RAD50: variants seen among roughly 807,000 people sequenced by gnomAD.
RAD50 encodes RAD50 double strand break repair protein, also known as DNA repair protein RAD50.
Under a neutral mutation model 168.8 loss-of-function variants are expected in RAD50, and 132 were observed. The observed-to-expected ratio is 0.78, with a 90% CI of 0.68 to 0.90. The LOEUF (loss-of-function observed/expected upper bound fraction) is 0.90. Among genes scored for constraint, RAD50 ranks in the 40% least tolerant of loss-of-function variants. RAD50 has a pLI of 0.00. For synonymous variants in RAD50, 525 were observed against 497.4 expected (o/e 1.06, Z -0.74); for missense variants, 1,347 against 1,534.4 (o/e 0.88, Z 2.04).
At chr5:132,586,011 A>G (rs1206533715) in intron 5 of RAD50, among the ~76,000 whole-genome samples, 1 of 151,916 alleles carries the variant, frequency 6.6e-6, no homozygotes, top group Non-Finnish European at 1.5e-5. Flanking sequence ...CAGTTTATAA[A>G]CTTTTTTCTC....
chr5:132,604,687 GT>G, intron 15 of RAD50, 118 bp from the exon 16 acceptor site: 1 of 853,670 alleles, frequency 1.2e-6, no homozygotes, highest in Non-Finnish European at 1.9e-6. Context: ...GTTGCAGTGG[GT>G]GGGGCCCACA....
intron 5 of RAD50, among the ~76,000 whole-genome samples, chr5:132,582,317 T>C (rs1198574870): frequency 6.6e-6 from 1 of 152,236 alleles, no homozygotes; most frequent in Non-Finnish European, 1.5e-5. Flanking sequence ...GGTTTAATAT[T>C]CTTCTCTGTA....
At chr5:132,595,412 G>A in intron 12 of RAD50, 161 bp from the exon 13 acceptor site, 1 of 499,500 alleles carries the variant, frequency 2.0e-6, no homozygotes, top group Non-Finnish European at 3.3e-6. Context: ...CTCTTTGGAA[G>A]CGAATATCGG....
intron 21 of RAD50, among the ~76,000 whole-genome samples, chr5:132,632,419 A>G (rs1252931018): frequency 2.0e-5 from 3 of 152,248 alleles, no homozygotes; most frequent in African/African-American, 7.2e-5. Context: ...CTTTGCACAT[A>G]GTACACCCAA....
chr5:132,557,206 G>C lies in RAD50; in HGVS notation c.-119G>C. 7.1e-7 allele frequency: 1 copy of C among 1,413,298 alleles called. No homozygotes were observed. The highest frequency in any genetic ancestry group is 1.2e-5 in the South Asian group (1 of 85,076). The allele number at this position is 1,413,298 out of a possible 1,614,324, so 87.5% of individuals were successfully genotyped here. ...TGGCAGTCCTGTGGCCTCGCTCCCC[G>C]CCCGGATCCTCCTGACCCTGAGATT... On this transcript the variant is annotated 5_prime_UTR_variant, in exon 1 of 25. Coordinates refer to ENST00000378823, the MANE Select transcript of RAD50 (RefSeq NM_005732.4).
chr5:132,642,140 C>G, intron 24 of RAD50, 38 bp from the exon 25 acceptor site: 1 of 1,593,000 alleles, frequency 6.3e-7, no homozygotes, highest in Non-Finnish European at 8.6e-7. Flanking sequence ...AGGGGTTATG[C>G]TCTTTACTAA....
In RAD50 at chr5:132,642,446, G is replaced by C. The variant is rs548876214; in HGVS notation, c.*82G>C. The C allele has an allele frequency of 3.4e-4, 421 of 1,248,750 alleles. 1 individual carries two copies. In the African/African-American group the frequency reaches 6.0e-3, roughly 18 times the overall value. The allele number at this position is 1,248,750 out of a possible 1,614,324, so 77.4% of individuals were successfully genotyped here. The stretch of plus-strand genomic sequence containing the variant: ...GAAACTTATTTCTCATATCAACTTA[G>C]TCAATAAGAAAATATATTCTTTCAA... On this transcript the variant is annotated 3_prime_UTR_variant, in exon 25 of 25. Coordinates refer to ENST00000378823, the MANE Select transcript of RAD50 (RefSeq NM_005732.4).
At chr5:132,621,135 G>A (rs1469760523) in intron 21 of RAD50, among the ~76,000 whole-genome samples, 1 of 152,070 alleles carries the variant, frequency 6.6e-6, no homozygotes, top group Non-Finnish European at 1.5e-5. Context: ...AAAATCATAT[G>A]CATTAGTTCT....
rs1580992709 is a variant in RAD50, at chr5:132,588,726, T to C, written c.1091T>C (p.Ile364Thr). 1.2e-6 allele frequency: 2 copies of C among 1,613,856 alleles called. No individual in the cohort carries two copies. The highest frequency in any genetic ancestry group is 1.1e-5 in the South Asian group (1 of 91,036). Residue 364 changes from isoleucine to threonine, a missense_variant, in exon 8 of 25, where the codon ATC becomes ACC. By Grantham distance (89) the Ile-to-Thr change is moderately conservative (BLOSUM62 -1). Around this residue, in one of 3 missense-constraint regions of RAD50, gnomAD observed 703 missense variants for 767.7 expected, o/e 0.92. Coordinates refer to ENST00000378823, the MANE Select transcript of RAD50 (RefSeq NM_005732.4). Reference protein sequence around the residue: ...QLQADRHQEHIRARDSLIQSL... With the variant: ...QLQADRHQEHTRARDSLIQSL... ...CAAGCAGATCGCCATCAAGAACATA[T>C]CCGAGCTAGAGATTCATTAATTCAG...
intron 13 of RAD50, among the ~76,000 whole-genome samples, chr5:132,602,927 G>A (rs1044459802): frequency 5.9e-5 from 9 of 152,118 alleles, no homozygotes; most frequent in African/African-American, 2.2e-4. Flanking sequence ...ATATTTCTCA[G>A]TTTGACAAAC....
At chr5:132,629,743 A>G (rs886718169) in intron 21 of RAD50, among the ~76,000 whole-genome samples, 3 of 152,194 alleles carry the variant, frequency 2.0e-5, no homozygotes, top group Non-Finnish European at 4.4e-5. Flanking sequence ...TGTTGCGTTC[A>G]GCTGTCTATT....
intron 9 of RAD50, among the ~76,000 whole-genome samples, chr5:132,590,427 G>A (rs139973943): frequency 0.035 from 5,271 of 152,188 alleles, 297 homozygotes; most frequent in African/African-American, 0.12. Flanking sequence ...CCAAGATTGC[G>A]CCACTGCTCT....
chr5:132,611,589 C>G (rs1485888877), intron 19 of RAD50, among the ~76,000 whole-genome samples: 1 of 150,430 alleles, frequency 6.6e-6, no homozygotes, highest in African/African-American at 2.5e-5. Flanking sequence ...GCCTGTAGTC[C>G]CAGCTACTCA....
intron 1 of RAD50, 39 bp downstream of exon 1, chr5:132,557,492 A>AC (rs1356427324): frequency 2.5e-6 from 4 of 1,613,136 alleles, no homozygotes; most frequent in Non-Finnish European, 3.4e-6. Flanking sequence ...ACAGGTCGCT[A>AC]CATCTTTCGG....
chr5:132,605,545 A>G (rs1178384142), intron 16 of RAD50, among the ~76,000 whole-genome samples: 7 of 151,984 alleles, frequency 4.6e-5, no homozygotes, highest in Non-Finnish European at 1.0e-4. Context: ...GGGTCTCACT[A>G]TGTTGTTCAG....
chr5:132,605,029 A>T, intron 16 of RAD50, 30 bp downstream of exon 16: 2 of 1,399,134 alleles, frequency 1.4e-6, no homozygotes, highest in South Asian at 1.5e-5. Context: ...TTTTTTGTAA[A>T]ATTATTTTAA....
intron 19 of RAD50, among the ~76,000 whole-genome samples, chr5:132,613,635 GCT>G (rs1751126751): frequency 8.3e-6 from 1 of 119,930 alleles, no homozygotes; most frequent in African/African-American, 3.4e-5. Context: ...ATGGAGTCTT[GCT>G]CTCTCACCCA....
intron 19 of RAD50, 23 bp downstream of exon 19, chr5:132,609,419 A>G (rs1253394489): frequency 6.2e-7 from 1 of 1,612,662 alleles, no homozygotes; most frequent in East Asian, 2.2e-5. Flanking sequence ...TGCTTATGAT[A>G]TCACTTACAC....
chr5:132,621,637 C>T (rs1751288066), intron 21 of RAD50, among the ~76,000 whole-genome samples: 1 of 152,134 alleles, frequency 6.6e-6, no homozygotes, highest in African/African-American at 2.4e-5. Flanking sequence ...TTTAGCTGAG[C>T]ATAGAGTTCT....
Sources: gnomAD v4.1 joint callset for allele counts (sites outside exome capture counted in the v4.1 genomes callset) on GRCh38, gnomAD v4.1.1 for gene constraint, gnomAD v4.1.1 regional missense constraint, MANE v1.5 for transcripts, NCBI Gene and HGNC (gene_info 2026-07-23, HGNC 2026-07-21) for gene names.